Variants in DNMT1 observed in about 807,000 individuals in gnomAD.
The protein encoded by DNMT1 is DNA methyltransferase 1, also known as DNA (cytosine-5)-methyltransferase 1.
Under a neutral mutation model 205.3 loss-of-function variants are expected in DNMT1, and 24 were observed. The observed-to-expected ratio is 0.12, with a 90% CI of 0.08 to 0.16. DNMT1 has a LOEUF of 0.16. Ranked by LOEUF, DNMT1 falls within the 10% of genes least tolerant of loss-of-function variation. The probability of loss-of-function intolerance (pLI) is 1.00; values close to 1 mark genes in which losing one functional copy is unlikely to be tolerated. For synonymous variants in DNMT1, 817 were observed against 839.8 expected (o/e 0.97, Z 0.47); for missense variants, 1,293 against 2,177.7 (o/e 0.59, Z 8.09).
At chr19:10,177,938 A>G (rs1205386015) in intron 5 of DNMT1, among the ~76,000 whole-genome samples, 5 of 151,542 alleles carry the variant, frequency 3.3e-5, no homozygotes, top group Non-Finnish European at 5.9e-5. Flanking sequence ...TCTCTTAAAA[A>G]AAAAAAAAAA....
At chr19:10,143,733 T>C (rs1568226158) in intron 29 of DNMT1, 33 bp downstream of exon 29, 2 of 1,609,380 alleles carry the variant, frequency 1.2e-6, no homozygotes, top group African/African-American at 2.7e-5. Context: ...GAAGAGTCTG[T>C]GGCCTCGTGG....
intron 1 of DNMT1, among the ~76,000 whole-genome samples, chr19:10,188,489 G>A (rs746059466): frequency 1.1e-4 from 16 of 151,522 alleles, no homozygotes; most frequent in Non-Finnish European, 2.1e-4. Flanking sequence ...GCAGTGAGCC[G>A]AGATCATGCC....
Position 10,149,582 on chromosome 19 carries a change from T to A in DNMT1, c.2457A>T (p.Thr819=), listed in dbSNP as rs763497211. The A allele has an allele frequency of 2.5e-6, 4 of 1,613,504 alleles. No individual in the cohort carries two copies. Among genetic ancestry groups the A allele is most frequent in the Non-Finnish European group, 3.4e-6 (4 of 1,179,862 alleles). The change falls in exon 26 of 41, where the codon ACA becomes ACT. Residue 819 remains threonine (T), a synonymous_variant. Coordinates refer to ENST00000359526, the MANE Select transcript of DNMT1 (RefSeq NM_001130823.3). ...GAGGGTCCGACGTGGCCCCGAGGAC[T>A]GTGTCTGTCCCAGCGCAGAACCAGT... The part of the protein sequence containing the change: ...HAHWFCAGTD[T]VLGATSDPLE...
At chr19:10,187,581 A>C (rs1348172587) in intron 1 of DNMT1, among the ~76,000 whole-genome samples, 1 of 148,658 alleles carries the variant, frequency 6.7e-6, no homozygotes, top group Non-Finnish European at 1.5e-5. Flanking sequence ...ACGAGAAAAC[A>C]GTAATTAGCT....
In DNMT1 at chr19:10,139,822, A is replaced by AG. The variant is rs1330671633; in HGVS notation, c.3807-6dup. The AG allele has an allele frequency of 6.4e-7, 1 of 1,571,030 alleles. No individual in the cohort carries two copies. The highest frequency in any genetic ancestry group is 1.2e-5 in the South Asian group (1 of 86,338). On this transcript the variant is annotated splice_polypyrimidine_tract_variant and splice_region_variant and intron_variant, in intron 33 of 40. Coordinates refer to ENST00000359526, the MANE Select transcript of DNMT1 (RefSeq NM_001130823.3). The stretch of plus-strand genomic sequence containing the variant: ...GGCCGGTAGTAGTCGCAGTAGCTGT[A>AG]GGGGGCAGGAGAGACTGCAGGAGTC...
chr19:10,146,401 C>T lies in DNMT1; in HGVS notation c.2844G>A (p.Leu948=). 6 of 1,614,102 alleles carry T rather than the reference C, an allele frequency of 3.7e-6. No homozygotes were observed. Among genetic ancestry groups the T allele is most frequent in the Admixed American group, 1.7e-5 (1 of 60,012 alleles). The change falls in exon 28 of 41, where the codon CTG becomes CTA. Residue 948 remains leucine, a synonymous_variant. Transcript: ENST00000359526. The surrounding 1 kb of genome is among the most constrained non-coding windows in gnomAD (Gnocchi z 4.4). ...GGTACACACCATCACCAACTCGGTA[C>T]AGGATGCCGTTCTTGGTGGCTGAGT... ...LYYSATKNGI[L]YRVGDGVYLP... is the part of the protein sequence containing the mutation.
chr19:10,138,783 G>A lies in DNMT1; in HGVS notation c.3949-178C>T, dbSNP rs565802841. Among the ~76,000 whole-genome samples the A allele has an allele frequency of 6.6e-6, 1 of 152,366 alleles. No individual in the cohort carries two copies. Among genetic ancestry groups the A allele is most frequent in the African/African-American group, 2.4e-5 (1 of 41,576 alleles). On this transcript the variant is annotated intron_variant, in intron 34 of 40. Coordinates refer to ENST00000359526, the MANE Select transcript of DNMT1 (RefSeq NM_001130823.3). The surrounding 1 kb of genome is among the most constrained non-coding windows in gnomAD (Gnocchi z 4.1). ...CTCCTGGTCAGAGGAGTTTGGAGCA[G>A]ATAAAGAACAAAAGCAGCTGAGCCC...
chr19:10,157,508 T>C (rs914129949), intron 17 of DNMT1, among the ~76,000 whole-genome samples: 1 of 152,064 alleles, frequency 6.6e-6, no homozygotes, highest in Admixed American at 6.6e-5. Flanking sequence ...ATGAACTGGG[T>C]GTTCTGCTTA....
intron 1 of DNMT1, among the ~76,000 whole-genome samples, chr19:10,182,419 A>G (rs1448929295): frequency 1.4e-5 from 1 of 70,468 alleles, no homozygotes; most frequent in Non-Finnish European, 3.0e-5. Context: ...ATATATGTGT[A>G]TATATATGTG....
intron 7 of DNMT1, 99 bp downstream of exon 7, chr19:10,175,441 G>C (rs1364814867): frequency 2.1e-6 from 3 of 1,423,608 alleles, no homozygotes; most frequent in Non-Finnish European, 2.0e-6. Flanking sequence ...TAGAGCCCTA[G>C]ACAGGGTTTT....
chr19:10,192,734 G>A (rs2039325838), intron 1 of DNMT1, among the ~76,000 whole-genome samples: 1 of 152,106 alleles, frequency 6.6e-6, no homozygotes, highest in Non-Finnish European at 1.5e-5. Flanking sequence ...GGAGAATACT[G>A]GCACAGATGA....
intron 38 of DNMT1, 38 bp from the exon 39 acceptor site, chr19:10,135,890 C>T (rs373514086): frequency 1.3e-6 from 2 of 1,536,432 alleles, no homozygotes; most frequent in Non-Finnish European, 1.7e-6. Flanking sequence ...GGCAGTAGCA[C>T]CCAGGCCGGG....
In DNMT1 at chr19:10,137,870, C is replaced by T. The variant is rs374047326; in HGVS notation, c.4255G>A (p.Ala1419Thr). 61 of 1,613,402 alleles carry T rather than the reference C, an allele frequency of 3.8e-5. No individual in the cohort carries two copies. The highest frequency in any genetic ancestry group is 4.5e-5 in the Non-Finnish European group (53 of 1,179,910). ...QSWFQRQLRG[A>T]QYQPILRDHI... ...TCCCTGAGGATGGGCTGGTACTGTG[C>T]GCCCCGGAGCTGCCTCTGGAACCAG... is the stretch of plus-strand genomic sequence containing the variant. The change falls in exon 36 of 41, where the codon GCA becomes ACA. Residue 1419 changes from alanine (A) to threonine (T), a missense_variant. Ala to Thr is a moderately conservative substitution (Grantham distance 58). Transcript: ENST00000359526. This position sits in a 1 kb window ranked among gnomAD's most constrained non-coding sequence, Gnocchi z 6.4.
At chr19:10,164,288 C>T (rs1313338999) in intron 11 of DNMT1, among the ~76,000 whole-genome samples, 1 of 152,148 alleles carries the variant, frequency 6.6e-6, no homozygotes, top group Non-Finnish European at 1.5e-5. Context: ...GGATTACAGG[C>T]ATTCGCCACC....
At chr19:10,193,660 G>T (rs2039344205) in intron 1 of DNMT1, among the ~76,000 whole-genome samples, 1 of 114,338 alleles carries the variant, frequency 8.7e-6, no homozygotes. Context: ...ACAGCACCCA[G>T]CCTTCAAAAA....
chr19:10,183,247 C>T (rs2039115778), intron 1 of DNMT1, among the ~76,000 whole-genome samples: 1 of 151,820 alleles, frequency 6.6e-6, no homozygotes, highest in South Asian at 2.1e-4. Context: ...TCCCGAGTAG[C>T]TGGGATTACA....
chr19:10,137,068 C>T lies in DNMT1; in HGVS notation c.4489+17G>A, dbSNP rs1212852216. On this transcript the variant is annotated intron_variant, in intron 37 of 40. Coordinates refer to ENST00000359526, the MANE Select transcript of DNMT1 (RefSeq NM_001130823.3). This position sits in a 1 kb window ranked among gnomAD's most constrained non-coding sequence, Gnocchi z 6.4. ...CTTCCCCTCAGCCCACCGGGAACCA[C>T]AACTTACAGGACCCACCTTCCACGC... 1 of 1,610,218 alleles carries T rather than the reference C, an allele frequency of 6.2e-7. No individual in the cohort carries two copies. The highest frequency in any genetic ancestry group is 1.1e-5 in the South Asian group (1 of 90,278).
At chr19:10,179,893 G>C (rs1479694586) in intron 5 of DNMT1, 1 of 179,614 alleles carries the variant, frequency 5.6e-6, no homozygotes, top group Non-Finnish European at 1.2e-5. Flanking sequence ...GGGAGGCTGA[G>C]GCAGGAGAAT....
chr19:10,147,301 G>A (rs2038221952), intron 27 of DNMT1, among the ~76,000 whole-genome samples: 2 of 150,984 alleles, frequency 1.3e-5, no homozygotes, highest in African/African-American at 2.4e-5. Flanking sequence ...AATAAAAGAG[G>A]TTGGGTGATA....
Sources: allele counts gnomAD v4.1 joint callset (sites outside exome capture counted in the v4.1 genomes callset), GRCh38; gene constraint gnomAD v4.1.1; non-coding constraint Gnocchi (gnomAD v3.1); transcripts MANE v1.5; gene names NCBI Gene and HGNC (gene_info 2026-07-23, HGNC 2026-07-21).